Variants in CCDC14 observed in about 807,000 individuals in gnomAD.
CCDC14 encodes coiled-coil domain containing 14.
In CCDC14, 71 loss-of-function variants were observed where a neutral mutation model predicts 81.4. The ratio of observed to expected loss-of-function variants is 0.87; its 90% CI spans 0.72 to 1.06. CCDC14 has a LOEUF of 1.06. Ranked by LOEUF, CCDC14 falls within the 50% of genes least tolerant of loss-of-function variation. The pLI, the probability that CCDC14 is intolerant of heterozygous loss-of-function variation, is 0.00. For synonymous variants in CCDC14, 332 were observed against 364.8 expected (o/e 0.91, Z 1.03); for missense variants, 1,046 against 1,047.3 (o/e 1.00, Z 0.02).
chr3:123,928,123 G>A (rs1361555845), intron 12 of CCDC14, among the ~76,000 whole-genome samples: 1 of 151,926 alleles, frequency 6.6e-6, no homozygotes, highest in Non-Finnish European at 1.5e-5. Context: ...TTTTTCTTAT[G>A]TTTTTGTTAC....
At chr3:123,888,970 A>C in the CCDC14 span, among the ~76,000 whole-genome samples, 6 of 152,188 alleles carry the variant, frequency 3.9e-5, no homozygotes. Flanking sequence ...ACTCATTTCA[A>C]CATTAACTCA....
chr3:123,904,459 A>G (rs1290181819), intron 5 of CCDC14, among the ~76,000 whole-genome samples: 1 of 152,158 alleles, frequency 6.6e-6, no homozygotes, highest in Admixed American at 6.5e-5. Flanking sequence ...CAAGCATGAT[A>G]TGATCCTATA....
intron 9 of CCDC14, among the ~76,000 whole-genome samples, chr3:123,944,340 G>A (rs577410795): frequency 9.9e-5 from 15 of 152,226 alleles, no homozygotes; most frequent in Admixed American, 9.2e-4. Flanking sequence ...GTAGCGAAAC[G>A]ATCACTTCTG....
Position 123,915,318 on chromosome 3 carries a change from C to A in CCDC14, c.2179G>T (p.Asp727Tyr), listed in dbSNP as rs1187885328. 2 of 1,613,738 alleles carry A rather than the reference C, an allele frequency of 1.2e-6. No individual in the cohort carries two copies. The highest frequency in any genetic ancestry group is 1.7e-6 in the Non-Finnish European group (2 of 1,179,880). The change falls in exon 13 of 13, where the codon GAT becomes TAT. Residue 727 changes from aspartate (D) to tyrosine (Y), a missense_variant. Coordinates refer to ENST00000409697, the MANE Select transcript of CCDC14 (RefSeq NM_001366335.1). ...MALIEDEHNL[D>Y]NTIYIPFARS... The stretch of plus-strand genomic sequence containing the variant: ...GCAAAAGGAATGTAAATTGTATTAT[C>A]CAAATTATGCTCATCTTCTATTAAA...
rs1176859713 is a variant in CCDC14 at position 123,915,491 on chromosome 3, G to A, written c.2006C>T (p.Thr669Ile). 10 of 1,613,908 alleles carry A rather than the reference G, an allele frequency of 6.2e-6. No homozygotes were observed. The highest frequency in any genetic ancestry group is 1.6e-4 in the Middle Eastern group (1 of 6,062). ...EPLSTIKNEE[T>I]IEPDKTYENV... ...TTCATAGGTTTTGTCTGGCTCTATG[G>A]TTTCCTCATTTTTAATTGTAGAAAG... The change falls in exon 13 of 13, where the codon ACC becomes ATC. Residue 669 changes from threonine to isoleucine, a missense_variant. Thr to Ile is a moderately conservative substitution (Grantham distance 89). Transcript: ENST00000409697.
intron 9 of CCDC14, among the ~76,000 whole-genome samples, chr3:123,944,298 T>C (rs879218832): frequency 6.6e-6 from 1 of 152,160 alleles, no homozygotes; most frequent in Non-Finnish European, 1.5e-5. Flanking sequence ...GGCAGGGCCA[T>C]GTGCCTTGTT....
chr3:123,898,301 C>T (rs2034111543), intron 5 of CCDC14, among the ~76,000 whole-genome samples: 1 of 152,232 alleles, frequency 6.6e-6, no homozygotes, highest in Admixed American at 6.5e-5. Flanking sequence ...AGCATATCAG[C>T]AGAGTGTTTG....
downstream of CCDC14, among the ~76,000 whole-genome samples, chr3:123,894,553 A>G (rs961377715): frequency 2.6e-5 from 4 of 152,226 alleles, no homozygotes; most frequent in African/African-American, 7.2e-5. Context: ...TAATACTGTC[A>G]TCATAACACT....
intron 12 of CCDC14, among the ~76,000 whole-genome samples, chr3:123,923,919 T>C (rs956033051): frequency 6.6e-6 from 1 of 151,164 alleles, no homozygotes; most frequent in Middle Eastern, 3.4e-3. Flanking sequence ...TCCAGTGTCA[T>C]TTTTCACAGA....
At position 123,914,081 on chromosome 3, in the gene CCDC14, TC is replaced by T; in HGVS notation, c.*697del. The T allele has an allele frequency of 1.0e-6, 1 of 985,504 alleles. No homozygotes were observed. Among genetic ancestry groups the T allele is most frequent in the Non-Finnish European group, 1.2e-6 (1 of 829,728 alleles). 61.0% of individuals were successfully genotyped at this position (985,504 alleles called of 1,614,324 possible). On this transcript the variant is annotated 3_prime_UTR_variant, in exon 13 of 13. Transcript: ENST00000409697. Reference sequence around the variant, plus strand: ...CTTATTTAAAAAAAACCCACAAATTTCCCCAACTATAGCTTATCTGTTAGCA... The same window carrying T: ...CTTATTTAAAAAAAACCCACAAATTTCCCAACTATAGCTTATCTGTTAGCA...
chr3:123,911,350 G>A (rs537946863), downstream of CCDC14, among the ~76,000 whole-genome samples: 1 of 152,214 alleles, frequency 6.6e-6, no homozygotes, highest in African/African-American at 2.4e-5. Context: ...TGTGTGTTAA[G>A]GTATGCTATA....
intron 12 of CCDC14, 99 bp from the exon 13 acceptor site, chr3:123,915,817 T>C: frequency 2.2e-6 from 2 of 901,790 alleles, no homozygotes; most frequent in South Asian, 2.0e-5. Context: ...TTGAGAGAAG[T>C]GTCTGGTTCT....
chr3:123,931,391 A>C lies in CCDC14; in HGVS notation c.1562T>G (p.Phe521Cys), dbSNP rs1209461289. 6.5e-7 allele frequency: 1 copy of C among 1,531,192 alleles called. No individual in the cohort carries two copies. Among genetic ancestry groups the C allele is most frequent in the African/African-American group, 1.4e-5 (1 of 72,654 alleles). The allele number at this position is 1,531,192 out of a possible 1,614,324, so 94.9% of individuals were successfully genotyped here. Reference protein sequence around the residue: ...IENQKDENKKFSSIFKDKDQT... With the variant: ...IENQKDENKKCSSIFKDKDQT... ...ATCTTTGTCTTTAAATATACTACTA[A>C]ATTTTTTGTTTTCATCTTTCTGATT... Residue 521 changes from phenylalanine to cysteine, a missense_variant, in exon 11 of 13, where the codon TTT becomes TGT. Coordinates refer to ENST00000409697, the MANE Select transcript of CCDC14 (RefSeq NM_001366335.1).
chr3:123,900,828 A>C (rs1411094320), intron 5 of CCDC14, among the ~76,000 whole-genome samples: 2 of 152,146 alleles, frequency 1.3e-5, no homozygotes, highest in Non-Finnish European at 2.9e-5. Flanking sequence ...AATTTAATGT[A>C]GTTCCAATTA....
At chr3:123,946,274 A>G (rs746090691) in intron 8 of CCDC14, among the ~76,000 whole-genome samples, 3 of 152,102 alleles carry the variant, frequency 2.0e-5, no homozygotes, top group Non-Finnish European at 4.4e-5. Flanking sequence ...ATGGAAACAA[A>G]TGAATAGAAT....
intron 12 of CCDC14, 198 bp downstream of exon 12, chr3:123,930,904 A>G: frequency 1.9e-6 from 1 of 527,284 alleles, no homozygotes; most frequent in Admixed American, 3.9e-5. Flanking sequence ...ATGGTTTTAA[A>G]AAAACATTTC....
intron 5 of CCDC14, among the ~76,000 whole-genome samples, chr3:123,902,411 T>C (rs992183422): frequency 1.3e-5 from 2 of 152,250 alleles, no homozygotes; most frequent in African/African-American, 2.4e-5. Context: ...CCAAACATTA[T>C]GTGACTCCTG....
downstream of CCDC14, among the ~76,000 whole-genome samples, chr3:123,892,802 A>C (rs1046246721): frequency 2.0e-5 from 3 of 152,028 alleles, no homozygotes; most frequent in African/African-American, 7.3e-5. Flanking sequence ...CAAAATTTAT[A>C]ATTTTAACCA....
chr3:123,946,997 G>T lies in CCDC14; in HGVS notation c.1007C>A (p.Ala336Asp). The change falls in exon 8 of 13, where the codon GCC becomes GAC. Residue 336 changes from alanine (A) to aspartate (D), a missense_variant. Ala to Asp is a moderately radical substitution (Grantham distance 126). Coordinates refer to ENST00000409697, the MANE Select transcript of CCDC14 (RefSeq NM_001366335.1). ...SPTQSQPAFL[A>D]TNEEKCAREQ... ...TCTGGCACATTTTTCTTCATTAGTG[G>T]CCAAGAAAGCTGGTTGTGACTGAGT... 6.2e-7 allele frequency: 1 copy of T among 1,613,878 alleles called. No homozygotes were observed. The highest frequency in any genetic ancestry group is 1.1e-5 in the South Asian group (1 of 91,066).
Sources: gnomAD v4.1 joint callset for allele counts (sites outside exome capture counted in the v4.1 genomes callset) on GRCh38, gnomAD v4.1.1 for gene constraint, MANE v1.5 for transcripts, NCBI Gene and HGNC (gene_info 2026-07-23, HGNC 2026-07-21) for gene names.